Variants in ALG14 observed in about 807,000 individuals in gnomAD.
ALG14 encodes the protein UDP-N-acetylglucosamine transferase subunit ALG14.
ALG14 carries 17 observed loss-of-function variants against 22.8 expected under a neutral mutation model. That is an observed-to-expected ratio of 0.75 (90% confidence interval 0.51 to 1.12). The LOEUF (loss-of-function observed/expected upper bound fraction) is 1.12. Among genes scored for constraint, ALG14 ranks in the 50% most tolerant of loss-of-function variants. The probability of loss-of-function intolerance (pLI) is 0.00; values close to 1 mark genes in which losing one functional copy is unlikely to be tolerated. For missense variants in ALG14, 288 were observed against 271.8 expected, an observed-to-expected ratio of 1.06 and a Z score of -0.42; for synonymous variants, 89 against 103.7, an observed-to-expected ratio of 0.86 and a Z score of 0.86.
At chr1:95,032,044 G>A (rs1286885168) in intron 2 of ALG14, among the ~76,000 whole-genome samples, 1 of 152,040 alleles carries the variant, frequency 6.6e-6, no homozygotes, top group Non-Finnish European at 1.5e-5. Flanking sequence ...CCGGACCTCA[G>A]GTGATCTGCC....
rs1410074343 is a variant in ALG14, at chr1:94,975,103, C to T, written c.*7973G>A. ...CCATCACCACTGTCGAATTCCAGAA[C>T]ATTTTCATCACCTCCAAAAGAAGCC... On this transcript the variant is annotated 3_prime_UTR_variant, in exon 4 of 4. Transcript: ENST00000370205. 1.3e-5 allele frequency: 2 copies of T among 152,272 alleles called. No individual in the cohort carries two copies. Among genetic ancestry groups the T allele is most frequent in the African/African-American group, 4.8e-5 (2 of 41,474 alleles). 9.4% of individuals were successfully genotyped at this position (152,272 alleles called of 1,614,324 possible).
At chr1:94,993,951 T>C (rs1228414798) in intron 3 of ALG14, among the ~76,000 whole-genome samples, 1 of 152,202 alleles carries the variant, frequency 6.6e-6, no homozygotes, top group Admixed American at 6.5e-5. Flanking sequence ...TGACTGTAAC[T>C]GCAGGGAAGA....
intron 2 of ALG14, among the ~76,000 whole-genome samples, chr1:95,062,929 A>T (rs1675216845): frequency 6.6e-6 from 1 of 152,188 alleles, no homozygotes. Context: ...CTGTAAAAGC[A>T]TTCCTTTTTC....
At position 95,020,510 on chromosome 1, in the gene ALG14, G is replaced by A. The variant is rs776777522; in HGVS notation, c.420+6619C>T. On this transcript the variant is annotated intron_variant, in intron 3 of 3. Coordinates refer to ENST00000370205, the MANE Select transcript of ALG14 (RefSeq NM_144988.4). ...TCCCAGCACTTTGGGAGGCCGAGGC[G>A]GGCAGATCGCCTGAGGTCAGGAGTT... Among the ~76,000 whole-genome samples, 7 of 151,624 alleles carry A rather than the reference G, an allele frequency of 4.6e-5. No individual in the cohort carries two copies. The East Asian group carries it at 5.8e-4, about 13-fold the overall frequency.
intron 3 of ALG14, among the ~76,000 whole-genome samples, chr1:95,004,757 C>T (rs1285783148): frequency 2.6e-5 from 4 of 151,794 alleles, no homozygotes; most frequent in East Asian, 1.9e-4. Context: ...TGCCTCCCAA[C>T]GTGCTGGGAT....
rs993160342 is a variant in ALG14 at position 94,991,849 on chromosome 1, A to G, written c.421-8543T>C. ...GTACAGGTGAACAAAAAGATTTTTTATATCTTTTTTTTTAACTTTTAAGCC... is the reference window on the plus strand; with the variant it reads ...GTACAGGTGAACAAAAAGATTTTTTGTATCTTTTTTTTTAACTTTTAAGCC... On this transcript the variant is annotated intron_variant, in intron 3 of 3. Coordinates refer to ENST00000370205, the MANE Select transcript of ALG14 (RefSeq NM_144988.4). Among the ~76,000 whole-genome samples the G allele has an allele frequency of 1.7e-4, 17 of 102,914 alleles. No individual in the cohort carries two copies. The South Asian group carries it at 2.0e-3, about 12-fold the overall frequency. 67.5% of individuals were successfully genotyped at this position (102,914 alleles called of 152,430 possible).
intron 3 of ALG14, among the ~76,000 whole-genome samples, chr1:95,008,845 T>G (rs1412193930): frequency 6.6e-6 from 1 of 152,142 alleles, no homozygotes; most frequent in East Asian, 1.9e-4. Flanking sequence ...CTTCAGCCCC[T>G]GGTAATGTCT....
chr1:95,030,394 C>T (rs567119715), intron 2 of ALG14, among the ~76,000 whole-genome samples: 1 of 151,782 alleles, frequency 6.6e-6, no homozygotes, highest in South Asian at 2.1e-4. Context: ...CATTTGAATC[C>T]AGTAAGATGT....
At chr1:95,030,235 A>C (rs1163485963) in intron 2 of ALG14, among the ~76,000 whole-genome samples, 7 of 152,216 alleles carry the variant, frequency 4.6e-5, no homozygotes, top group Non-Finnish European at 8.8e-5. Flanking sequence ...CACACTAAAC[A>C]GGATAAATAA....
At chr1:94,998,339 C>T (rs1672960229) in intron 3 of ALG14, among the ~76,000 whole-genome samples, 2 of 152,088 alleles carry the variant, frequency 1.3e-5, no homozygotes, top group East Asian at 3.9e-4. Context: ...CCCTGCTGGC[C>T]CACTATGGTG....
rs576390529 is a variant in ALG14 at position 95,047,389 on chromosome 1, G to A, written c.288+17477C>T. ...ATGGAGTTTCGCTCTTGTCACCCAG[G>A]TTGGAGTGCAGTGGCGTGATCTCGG... is the stretch of plus-strand genomic sequence containing the variant. On this transcript the variant is annotated intron_variant, in intron 2 of 3. Transcript: ENST00000370205. 1.2e-4 allele frequency among the ~76,000 whole-genome samples: 18 copies of A among 152,206 alleles called. No individual in the cohort carries two copies. In the East Asian group the frequency reaches 2.5e-3, roughly 21 times the overall value.
At chr1:95,013,346 T>A (rs1292395901) in intron 3 of ALG14, among the ~76,000 whole-genome samples, 1 of 151,866 alleles carries the variant, frequency 6.6e-6, no homozygotes, top group Non-Finnish European at 1.5e-5. Flanking sequence ...TATTTATTTT[T>A]TTTTTTTGAG....
rs755980441 is a variant in ALG14 at position 94,980,975 on chromosome 1, A to G, written c.*2101T>C. The G allele has an allele frequency of 6.6e-6, 1 of 152,188 alleles. No individual in the cohort carries two copies. Among genetic ancestry groups the G allele is most frequent in the Non-Finnish European group, 1.5e-5 (1 of 68,040 alleles). 9.4% of individuals were successfully genotyped at this position (152,188 alleles called of 1,614,324 possible). ...CTTTGTTAAGCTCTGACCTGACAGA[A>G]GCCTCTGCAGCAGGATTACCTGTGG... On this transcript the variant is annotated 3_prime_UTR_variant, in exon 4 of 4. Transcript: ENST00000370205.
chr1:94,990,279 G>A (rs1472748072), intron 3 of ALG14, among the ~76,000 whole-genome samples: 1 of 152,244 alleles, frequency 6.6e-6, no homozygotes. Context: ...ATCAGTGGAG[G>A]TGGACAGCAG....
In ALG14 at chr1:94,983,291, G is replaced by A. The variant is rs772495210; in HGVS notation, c.436C>T (p.Pro146Ser). ...ACACAGATAGGAACACATGTTCCTG[G>A]TCCGTTACACAACACCTGAAAGAAA... ...VKPDLVLCNG[P>S]GTCVPICVSA... Residue 146 changes from proline to serine, a missense_variant, in exon 4 of 4, where the codon CCA becomes TCA. By Grantham distance (74) the Pro-to-Ser change is moderately conservative. Transcript: ENST00000370205. 2.5e-6 allele frequency: 4 copies of A among 1,613,290 alleles called. No homozygotes were observed. The highest frequency in any genetic ancestry group is 1.3e-5 in the African/African-American group (1 of 74,890).
intron 3 of ALG14, chr1:95,022,477 G>A (rs367668125): frequency 1.0e-5 from 5 of 498,852 alleles, no homozygotes; most frequent in African/African-American, 2.1e-5. Flanking sequence ...CTAAATGCAC[G>A]TACAGTGCAG....
intron 3 of ALG14, among the ~76,000 whole-genome samples, chr1:94,987,209 A>G (rs975113467): frequency 1.3e-5 from 2 of 152,210 alleles, no homozygotes; most frequent in African/African-American, 4.8e-5. Flanking sequence ...TTGTGCCTGA[A>G]GGAAACCAGA....
chr1:95,057,506 C>T (rs1204284508), intron 2 of ALG14, among the ~76,000 whole-genome samples: 5 of 151,510 alleles, frequency 3.3e-5, no homozygotes, highest in African/African-American at 9.7e-5. Flanking sequence ...GCAAATACTA[C>T]GTCATCTTAT....
At chr1:95,015,475 A>G (rs1157852979) in intron 3 of ALG14, among the ~76,000 whole-genome samples, 2 of 152,212 alleles carry the variant, frequency 1.3e-5, no homozygotes, top group Non-Finnish European at 2.9e-5. Flanking sequence ...TAAGTTCAAG[A>G]GGAGTTCACA....
Sources: gnomAD v4.1 joint callset for allele counts (sites outside exome capture counted in the v4.1 genomes callset) on GRCh38, gnomAD v4.1.1 for gene constraint, MANE v1.5 for transcripts, NCBI Gene and HGNC (gene_info 2026-07-23, HGNC 2026-07-21) for gene names.